PLCB1: variants seen among roughly 807,000 people sequenced by gnomAD.
PLCB1 encodes 1-phosphatidylinositol 4,5-bisphosphate phosphodiesterase beta-1.
PLCB1 carries 46 observed loss-of-function variants against 161.8 expected under a neutral mutation model. The ratio of observed to expected loss-of-function variants is 0.28; its 90% confidence interval spans 0.22 to 0.36. The LOEUF (loss-of-function observed/expected upper bound fraction) is 0.36, where lower values mean the gene tolerates loss of function less well. PLCB1 is among the 10% of genes least tolerant of loss of function. PLCB1 has a pLI of 1.00. For synonymous variants in PLCB1, 517 were observed against 503.7 expected, an observed-to-expected ratio of 1.03 and a Z score of -0.35; for missense variants, 1,016 against 1,472.5, an observed-to-expected ratio of 0.69 and a Z score of 5.07.
At chr20:8,159,813 C>T (rs1392323307) in intron 2 of PLCB1, among the ~76,000 whole-genome samples, 1 of 151,568 alleles carries the variant, frequency 6.6e-6, no homozygotes, top group East Asian at 1.9e-4. Flanking sequence ...CATGGAGAAA[C>T]CCCATCTCTA....
rs146844697 is a variant in PLCB1 at position 8,505,766 on chromosome 20, A to G, written c.247-122528A>G. Among the ~76,000 whole-genome samples, 489 of 152,336 alleles carry G rather than the reference A, an allele frequency of 3.2e-3. 2 individuals are homozygous for G. The highest frequency in any genetic ancestry group is 4.0e-3 in the Non-Finnish European group (271 of 68,018). Reference sequence around the variant, plus strand: ...AATACAGTTGGCTCAGTTGAGAAGCAATCTCTTGGAGCTGGTAATTATGTC... The same window carrying G: ...AATACAGTTGGCTCAGTTGAGAAGCGATCTCTTGGAGCTGGTAATTATGTC... On this transcript the variant is annotated intron_variant, in intron 3 of 31. Coordinates refer to ENST00000338037, the MANE Select transcript of PLCB1 (RefSeq NM_015192.4).
At chr20:8,259,813 A>G (rs1008506702) in intron 2 of PLCB1, among the ~76,000 whole-genome samples, 5 of 152,164 alleles carry the variant, frequency 3.3e-5, no homozygotes, top group Non-Finnish European at 5.9e-5. Flanking sequence ...TTTTCCTCTA[A>G]TAAATCATTT....
At chr20:8,415,057 T>C (rs989735620) in intron 3 of PLCB1, among the ~76,000 whole-genome samples, 5 of 152,232 alleles carry the variant, frequency 3.3e-5, no homozygotes, top group African/African-American at 1.2e-4. Flanking sequence ...ATTGTTATCA[T>C]GGGTGAGTGA....
At chr20:8,761,549 C>T (rs1480722048) in intron 25 of PLCB1, among the ~76,000 whole-genome samples, 3 of 152,162 alleles carry the variant, frequency 2.0e-5, no homozygotes, top group Non-Finnish European at 4.4e-5. Context: ...GACAAAGTCT[C>T]ACTCTGCCAC....
intron 1 of PLCB1, among the ~76,000 whole-genome samples, chr20:8,149,787 A>G (rs948100313): frequency 6.6e-6 from 1 of 152,142 alleles, no homozygotes; most frequent in African/African-American, 2.4e-5. Flanking sequence ...GTAAAATTGA[A>G]ATTTGCAACA....
At chr20:8,433,269 A>G (rs1275276594) in intron 3 of PLCB1, among the ~76,000 whole-genome samples, 4 of 152,232 alleles carry the variant, frequency 2.6e-5, no homozygotes, top group Admixed American at 6.5e-5. Flanking sequence ...TTAACCGTGA[A>G]CTTTCTATTA....
chr20:8,864,509 G>T (rs1449676872), intron 31 of PLCB1, among the ~76,000 whole-genome samples: 1 of 152,144 alleles, frequency 6.6e-6, no homozygotes, highest in Non-Finnish European at 1.5e-5. Context: ...ACAGTGCTAG[G>T]TTTGCAGAAG....
intron 3 of PLCB1, among the ~76,000 whole-genome samples, chr20:8,380,297 T>C (rs1373595043): frequency 6.6e-6 from 1 of 151,214 alleles, no homozygotes; most frequent in Non-Finnish European, 1.5e-5. Flanking sequence ...TTCTATTCCA[T>C]TGGTTCTGTA....
intron 3 of PLCB1, among the ~76,000 whole-genome samples, chr20:8,396,749 A>G (rs1158985698): frequency 2.6e-5 from 4 of 152,022 alleles, no homozygotes; most frequent in Non-Finnish European, 5.9e-5. Flanking sequence ...CAAAGATCAA[A>G]CTGTGTTCAT....
intron 2 of PLCB1, among the ~76,000 whole-genome samples, chr20:8,249,189 G>A (rs751831521): frequency 1.3e-5 from 2 of 151,834 alleles, no homozygotes; most frequent in Admixed American, 6.6e-5. Flanking sequence ...CCAAGTGTTC[G>A]ATTTACATAA....
At chr20:8,863,789 AC>A (rs1987334509) in intron 31 of PLCB1, among the ~76,000 whole-genome samples, 1 of 152,296 alleles carries the variant, frequency 6.6e-6, no homozygotes, top group East Asian at 1.9e-4. Context: ...AGTTTTTTCT[AC>A]CTCTGAAGAA....
chr20:8,135,621 G>T (rs768118404), intron 1 of PLCB1, among the ~76,000 whole-genome samples: 5 of 152,212 alleles, frequency 3.3e-5, no homozygotes, highest in Non-Finnish European at 5.9e-5. Flanking sequence ...CCCAGGGTCT[G>T]TGGATGGGTG....
chr20:8,415,628 G>A (rs1217227118), intron 3 of PLCB1, among the ~76,000 whole-genome samples: 1 of 152,172 alleles, frequency 6.6e-6, no homozygotes, highest in Non-Finnish European at 1.5e-5. Flanking sequence ...CCCTCTTGGG[G>A]CCATCTGAGA....
rs558075047 is a variant in PLCB1, at chr20:8,408,158, A to G, written c.246+36708A>G. On this transcript the variant is annotated intron_variant, in intron 3 of 31. Coordinates refer to ENST00000338037, the MANE Select transcript of PLCB1 (RefSeq NM_015192.4). ...CATACTAATGTAAGATATTAACAAC[A>G]GCAGAAACAGTTTCCCCTGTTGTAG... is the stretch of plus-strand genomic sequence containing the variant. Among the ~76,000 whole-genome samples, 22 of 152,354 alleles carry G rather than the reference A, an allele frequency of 1.4e-4. No homozygotes were observed. The South Asian group carries it at 3.7e-3, about 26-fold the overall frequency.
At chr20:8,193,690 G>A in intron 2 of PLCB1, among the ~76,000 whole-genome samples, 1 of 151,916 alleles carries the variant, frequency 6.6e-6, no homozygotes, top group East Asian at 1.9e-4. Flanking sequence ...AATGAAAAGA[G>A]AACTATTGTG....
At chr20:8,488,722 T>G (rs1265071553) in intron 3 of PLCB1, among the ~76,000 whole-genome samples, 2 of 152,228 alleles carry the variant, frequency 1.3e-5, no homozygotes, top group African/African-American at 4.8e-5. Flanking sequence ...ATGGGCATTT[T>G]TAGAATTTTC....
At chr20:8,352,415 C>G (rs938410660) in intron 2 of PLCB1, among the ~76,000 whole-genome samples, 1 of 151,818 alleles carries the variant, frequency 6.6e-6, no homozygotes, top group Admixed American at 6.6e-5. Context: ...TTACTATGCA[C>G]GTATGAGGTA....
chr20:8,570,675 C>T (rs1986478347), intron 3 of PLCB1, among the ~76,000 whole-genome samples: 1 of 88,538 alleles, frequency 1.1e-5, no homozygotes, highest in Non-Finnish European at 3.0e-5. Context: ...ATAAATAAGA[C>T]AGTTAAGGTC....
chr20:8,603,800 T>C (rs1987671811), intron 3 of PLCB1, among the ~76,000 whole-genome samples: 1 of 152,240 alleles, frequency 6.6e-6, no homozygotes, highest in Non-Finnish European at 1.5e-5. Flanking sequence ...TTCAATTTTA[T>C]GATCCTTTGT....
Sources: gnomAD v4.1 joint callset for allele counts (sites outside exome capture counted in the v4.1 genomes callset) on GRCh38, gnomAD v4.1.1 for gene constraint, MANE v1.5 for transcripts, NCBI Gene and HGNC (gene_info 2026-07-23, HGNC 2026-07-21) for gene names.